The following RFX3 variants were observed in gnomAD, a reference collection of about 807,000 sequenced individuals.
RFX3 encodes transcription factor RFX3.
A neutral mutation model predicts 98.6 loss-of-function variants in RFX3; 14 were observed. That is an observed-to-expected ratio of 0.14 (90% CI 0.09 to 0.22). The LOEUF (loss-of-function observed/expected upper bound fraction) is 0.22. Among genes scored for constraint, RFX3 ranks in the 10% least tolerant of loss-of-function variants. The pLI, the probability that RFX3 is intolerant of heterozygous loss-of-function variation, is 1.00. For synonymous variants in RFX3, 383 were observed against 328.4 expected, an observed-to-expected ratio of 1.17 and a Z score of -1.80; for missense variants, 639 against 926.9, an observed-to-expected ratio of 0.69 and a Z score of 4.03.
intron 2 of RFX3, among the ~76,000 whole-genome samples, chr9:3,394,201 T>G (rs548820807): frequency 6.6e-6 from 1 of 152,112 alleles, no homozygotes; most frequent in Admixed American, 6.5e-5. Context: ...CAGTAGCTCA[T>G]GCCTGTAATC....
chr9:3,354,373 T>C (rs962290409), intron 2 of RFX3, among the ~76,000 whole-genome samples: 8 of 151,580 alleles, frequency 5.3e-5, no homozygotes, highest in Admixed American at 1.3e-4. Flanking sequence ...CAAGACCCCA[T>C]CTCTACCAAA....
intron 13 of RFX3, among the ~76,000 whole-genome samples, chr9:3,262,150 C>T (rs1001806880): frequency 3.3e-5 from 5 of 152,034 alleles, no homozygotes; most frequent in East Asian, 1.9e-4. Flanking sequence ...ATTTTGATTA[C>T]GTACAGTTTA....
Position 3,525,837 on chromosome 9 carries a change from G to A in RFX3, c.-99C>T, listed in dbSNP as rs1819230829. The A allele has an allele frequency of 2.1e-6, 2 of 974,712 alleles. No homozygotes were observed. The highest frequency in any genetic ancestry group is 2.4e-6 in the Non-Finnish European group (2 of 819,628). The allele number at this position is 974,712 out of a possible 1,614,324, so 60.4% of individuals were successfully genotyped here. ...GAGGAAGAGGAGGAGGAGGAGGAGAGGAGTAGTTGTTGTTGATGGGTAACA... is the reference window on the plus strand; with the variant it reads ...GAGGAAGAGGAGGAGGAGGAGGAGAAGAGTAGTTGTTGTTGATGGGTAACA... On this transcript the variant is annotated 5_prime_UTR_variant, in exon 1 of 17. Transcript: ENST00000617270.
intron 13 of RFX3, among the ~76,000 whole-genome samples, chr9:3,261,355 A>C (rs2131191161): frequency 6.6e-6 from 1 of 152,118 alleles, no homozygotes; most frequent in South Asian, 2.1e-4. Context: ...GTCTGTATAG[A>C]TGTATCTATT....
chr9:3,339,996 C>A (rs1019694672), intron 3 of RFX3, among the ~76,000 whole-genome samples: 2 of 152,244 alleles, frequency 1.3e-5, no homozygotes, highest in Non-Finnish European at 2.9e-5. Flanking sequence ...TACCTGACTT[C>A]AAACTATACT....
At chr9:3,496,819 C>G (rs936834869) in intron 1 of RFX3, among the ~76,000 whole-genome samples, 2 of 151,902 alleles carry the variant, frequency 1.3e-5, no homozygotes, top group Non-Finnish European at 2.9e-5. Flanking sequence ...ACACTTCATG[C>G]AAGATGCATC....
At chr9:3,367,913 T>C (rs1004480331) in intron 2 of RFX3, among the ~76,000 whole-genome samples, 1 of 152,208 alleles carries the variant, frequency 6.6e-6, no homozygotes, top group South Asian at 2.1e-4. Context: ...TTTAGGAGAA[T>C]GCTATCATCA....
intron 1 of RFX3, among the ~76,000 whole-genome samples, chr9:3,491,605 T>C (rs1226220594): frequency 6.6e-6 from 1 of 152,220 alleles, no homozygotes; most frequent in Non-Finnish European, 1.5e-5. Flanking sequence ...TCTACAGTCA[T>C]CTGTGTTCTT....
In RFX3 at chr9:3,360,196, C is replaced by T. The variant is rs183764185; in HGVS notation, c.118-13432G>A. Among the ~76,000 whole-genome samples, 58 of 152,156 alleles carry T rather than the reference C, an allele frequency of 3.8e-4. No homozygotes were observed. In the East Asian group the frequency reaches 8.9e-3, roughly 23 times the overall value. Reference sequence around the variant, plus strand: ...TCTATGAAATTAATCATCTCAATTTCATTGCCTTTCCCAAAATAAATTCCC... The same window carrying T: ...TCTATGAAATTAATCATCTCAATTTTATTGCCTTTCCCAAAATAAATTCCC... On this transcript the variant is annotated intron_variant, in intron 2 of 16. Coordinates refer to ENST00000617270, the MANE Select transcript of RFX3 (RefSeq NM_001282116.2).
Position 3,247,719 on chromosome 9 carries a change from C to A in RFX3, c.1968+313G>T, listed in dbSNP as rs188789772. 1,242 of 1,521,202 alleles carry A rather than the reference C, an allele frequency of 8.2e-4. 20 individuals are homozygous for A. The Admixed American group carries it at 0.026, about 32-fold the overall frequency. The allele number at this position is 1,521,202 out of a possible 1,614,324, so 94.2% of individuals were successfully genotyped here. A position where few individuals can be genotyped will look rare whatever the true frequency, so the allele number is the denominator to read the frequency against. ...CCTTTGCTTTATCAGGAGCACCAAT[C>A]TTTTTCCCACTTAAAATATTTTTCA... On this transcript the variant is annotated intron_variant, in intron 15 of 16. Coordinates refer to ENST00000617270, the MANE Select transcript of RFX3 (RefSeq NM_001282116.2).
chr9:3,295,922 A>T (rs1018345660), intron 5 of RFX3, among the ~76,000 whole-genome samples: 8 of 152,116 alleles, frequency 5.3e-5, no homozygotes, highest in African/African-American at 1.9e-4. Flanking sequence ...AATTAAAAAA[A>T]TTTTAATTAA....
chr9:3,363,547 A>G (rs998894837), intron 2 of RFX3, among the ~76,000 whole-genome samples: 3 of 152,216 alleles, frequency 2.0e-5, no homozygotes, highest in Admixed American at 6.5e-5. Flanking sequence ...TCTAAATAGC[A>G]GAACTTCTTA....
chr9:3,347,251 G>T (rs1026282807), intron 2 of RFX3, among the ~76,000 whole-genome samples: 3 of 151,990 alleles, frequency 2.0e-5, no homozygotes, highest in African/African-American at 7.2e-5. Flanking sequence ...AACCTGGGAG[G>T]CAGAGGTTGC....
Position 3,365,874 on chromosome 9 carries a change from C to T in RFX3, c.118-19110G>A, listed in dbSNP as rs554680088. Among the ~76,000 whole-genome samples the T allele has an allele frequency of 5.3e-5, 8 of 152,006 alleles. No individual in the cohort carries two copies. The East Asian group carries it at 1.6e-3, about 30-fold the overall frequency. ...AACTAGGAGAGTTAACACTAACTGC[C>T]ACACACACAGCCTCCCAGTGGTAAC... On this transcript the variant is annotated intron_variant, in intron 2 of 16. Coordinates refer to ENST00000617270, the MANE Select transcript of RFX3 (RefSeq NM_001282116.2).
At chr9:3,417,925 C>T (rs1843113366) in intron 1 of RFX3, among the ~76,000 whole-genome samples, 1 of 152,158 alleles carries the variant, frequency 6.6e-6, no homozygotes, top group African/African-American at 2.4e-5. Flanking sequence ...AGTAGTGACA[C>T]TATATAAATA....
intron 2 of RFX3, among the ~76,000 whole-genome samples, chr9:3,383,966 T>G (rs1839450244): frequency 6.6e-6 from 1 of 152,202 alleles, no homozygotes. Flanking sequence ...GAAAAGTAAG[T>G]GTTCCATTAA....
intron 1 of RFX3, among the ~76,000 whole-genome samples, chr9:3,433,597 C>T (rs376234954): frequency 6.7e-4 from 102 of 152,218 alleles, no homozygotes; most frequent in African/African-American, 2.4e-3. Context: ...TGTTGCCACC[C>T]CAAACCACTA....
intron 1 of RFX3, among the ~76,000 whole-genome samples, chr9:3,508,313 T>C (rs1217759447): frequency 1.3e-5 from 2 of 151,998 alleles, no homozygotes; most frequent in African/African-American, 4.8e-5. Context: ...TATTTAGCAC[T>C]TTCTATTCAT....
intron 15 of RFX3, among the ~76,000 whole-genome samples, chr9:3,234,168 G>C (rs1404399020): frequency 6.6e-6 from 1 of 152,032 alleles, no homozygotes; most frequent in South Asian, 2.1e-4. Context: ...AAATATGAAA[G>C]TGTATGGTCT....
Sources: gnomAD v4.1 joint callset for allele counts (sites outside exome capture counted in the v4.1 genomes callset) on GRCh38, gnomAD v4.1.1 for gene constraint, MANE v1.5 for transcripts, NCBI Gene and HGNC (gene_info 2026-07-23, HGNC 2026-07-21) for gene names.